Variants in POU6F2 observed in about 807,000 individuals in gnomAD.
POU6F2 encodes POU class 6 homeobox 2, also known as POU domain, class 6, transcription factor 2.
A neutral mutation model predicts 71.3 loss-of-function variants in POU6F2; 31 were observed. The observed-to-expected ratio is 0.43, with a 90% CI of 0.33 to 0.59. POU6F2 has a LOEUF of 0.59. POU6F2 is among the 20% of genes least tolerant of loss of function. The pLI is 0.04. For missense variants in POU6F2, 783 were observed against 856.8 expected (o/e 0.91, Z 1.07); for synonymous variants, 347 against 355.7 (o/e 0.98, Z 0.27).
chr7:38,986,287 G>A (rs1788462176), intron 1 of POU6F2, among the ~76,000 whole-genome samples: 1 of 152,026 alleles, frequency 6.6e-6, no homozygotes, highest in African/African-American at 2.4e-5. Flanking sequence ...GTGAACTCCT[G>A]GGCTCAAGAG....
chr7:39,071,236 T>C (rs537074949), intron 1 of POU6F2, among the ~76,000 whole-genome samples: 3 of 151,930 alleles, frequency 2.0e-5, no homozygotes, highest in Middle Eastern at 3.2e-3. Context: ...TCACAAGGAA[T>C]GGGCTACCGA....
At chr7:39,409,222 C>T (rs1399460907) in intron 6 of POU6F2, among the ~76,000 whole-genome samples, 1 of 152,172 alleles carries the variant, frequency 6.6e-6, no homozygotes, top group Non-Finnish European at 1.5e-5. Flanking sequence ...CACTTGAGTT[C>T]TTGACATCAA....
Position 39,085,847 on chromosome 7 carries a change from T to C in POU6F2, c.106-13T>C. The C allele has an allele frequency of 6.2e-7, 1 of 1,612,910 alleles. No individual in the cohort carries two copies. The highest frequency in any genetic ancestry group is 8.5e-7 in the Non-Finnish European group (1 of 1,179,466). ...TTTTTTTTCCTCCCCTTCACTCTTT[T>C]CGCCCATCCTAGGATCCAATGATAG... On this transcript the variant is annotated splice_polypyrimidine_tract_variant and intron_variant, in intron 1 of 9. Coordinates refer to ENST00000518318, the MANE Select transcript of POU6F2 (RefSeq NM_001370959.1).
chr7:39,152,295 C>A (rs1188920756), intron 2 of POU6F2, among the ~76,000 whole-genome samples: 1 of 152,064 alleles, frequency 6.6e-6, no homozygotes, highest in Non-Finnish European at 1.5e-5. Context: ...TAAGTGACCC[C>A]CCAGCTAGTT....
At chr7:39,217,882 A>C (rs1210108270) in intron 4 of POU6F2, among the ~76,000 whole-genome samples, 1 of 152,216 alleles carries the variant, frequency 6.6e-6, no homozygotes, top group East Asian at 1.9e-4. Context: ...CTGGAAGCAC[A>C]TGAATGAGGA....
At chr7:39,014,997 C>T (rs1461228392) in intron 1 of POU6F2, among the ~76,000 whole-genome samples, 1 of 151,958 alleles carries the variant, frequency 6.6e-6, no homozygotes, top group Non-Finnish European at 1.5e-5. Flanking sequence ...CATAAATGAT[C>T]GTCTTCCTCC....
At chr7:39,303,607 G>A (rs1233135566) in intron 4 of POU6F2, among the ~76,000 whole-genome samples, 8 of 152,182 alleles carry the variant, frequency 5.3e-5, no homozygotes, top group Non-Finnish European at 1.5e-5. Context: ...GGTTGGATGG[G>A]ATGGAATGAT....
intron 4 of POU6F2, among the ~76,000 whole-genome samples, chr7:39,273,100 AT>A: frequency 6.6e-6 from 1 of 152,350 alleles, no homozygotes; most frequent in Non-Finnish European, 1.5e-5. Flanking sequence ...AAAAAATAAA[AT>A]AAAAAAGAAT....
chr7:39,343,113 GA>G (rs1311296241), intron 5 of POU6F2, among the ~76,000 whole-genome samples: 2 of 152,302 alleles, frequency 1.3e-5, no homozygotes, highest in Non-Finnish European at 2.9e-5. Flanking sequence ...TTCTAGACAG[GA>G]AATGCAAGGG....
chr7:39,426,022 C>A (rs1048452493), intron 6 of POU6F2, among the ~76,000 whole-genome samples: 2 of 152,170 alleles, frequency 1.3e-5, no homozygotes, highest in African/African-American at 4.8e-5. Flanking sequence ...CCAGCTGCAA[C>A]CCTAACTTAA....
intron 2 of POU6F2, among the ~76,000 whole-genome samples, chr7:39,138,590 C>A (rs935637751): frequency 6.6e-6 from 1 of 152,198 alleles, no homozygotes; most frequent in East Asian, 1.9e-4. Context: ...TGATCTGTCA[C>A]TGTCTCCCGT....
At chr7:39,042,042 A>T (rs1790203362) in intron 1 of POU6F2, among the ~76,000 whole-genome samples, 1 of 151,982 alleles carries the variant, frequency 6.6e-6, no homozygotes, top group African/African-American at 2.4e-5. Flanking sequence ...TCTTGGATAC[A>T]TACTCTGAAG....
At chr7:39,282,351 C>CA (rs1784576599) in intron 4 of POU6F2, among the ~76,000 whole-genome samples, 1 of 151,986 alleles carries the variant, frequency 6.6e-6, no homozygotes, top group Non-Finnish European at 1.5e-5. Flanking sequence ...AGATCTTATC[C>CA]AAAAAACCCT....
chr7:39,076,358 G>C (rs1032617900), intron 1 of POU6F2, among the ~76,000 whole-genome samples: 3 of 152,040 alleles, frequency 2.0e-5, no homozygotes, highest in African/African-American at 7.2e-5. Context: ...ACACATGTCT[G>C]CCTGCCAGGG....
At chr7:38,996,559 T>C (rs1387374550) in intron 1 of POU6F2, among the ~76,000 whole-genome samples, 3 of 152,180 alleles carry the variant, frequency 2.0e-5, no homozygotes, top group Non-Finnish European at 4.4e-5. Flanking sequence ...ACCACTTTTT[T>C]AGAGCATTAT....
At chr7:39,327,619 T>G (rs1246455776) in intron 4 of POU6F2, among the ~76,000 whole-genome samples, 1 of 152,028 alleles carries the variant, frequency 6.6e-6, no homozygotes, top group Non-Finnish European at 1.5e-5. Flanking sequence ...AATTTTATTA[T>G]GTTTATTTTA....
intron 2 of POU6F2, among the ~76,000 whole-genome samples, chr7:39,169,294 C>G (rs1793170212): frequency 6.6e-6 from 1 of 152,168 alleles, no homozygotes; most frequent in Non-Finnish European, 1.5e-5. Context: ...TTGAAACTCC[C>G]TTTAATTTCT....
At chr7:39,298,307 C>G (rs1784889495) in intron 4 of POU6F2, among the ~76,000 whole-genome samples, 1 of 152,110 alleles carries the variant, frequency 6.6e-6, no homozygotes, top group Non-Finnish European at 1.5e-5. Flanking sequence ...AGAACTTAAA[C>G]AAATTTACAA....
chr7:39,389,700 T>A (rs1018602711), intron 5 of POU6F2, among the ~76,000 whole-genome samples: 19 of 152,344 alleles, frequency 1.2e-4, no homozygotes, highest in African/African-American at 4.6e-4. Context: ...TTTTATTTAA[T>A]GTTGAGGTTT....
Sources: gnomAD v4.1 joint callset for allele counts (sites outside exome capture counted in the v4.1 genomes callset) on GRCh38, gnomAD v4.1.1 for gene constraint, MANE v1.5 for transcripts, NCBI Gene and HGNC (gene_info 2026-07-23, HGNC 2026-07-21) for gene names.